PREX2: variants seen among roughly 807,000 people sequenced by gnomAD.
PREX2 encodes phosphatidylinositol 3,4,5-trisphosphate-dependent Rac exchanger 2 protein.
In PREX2, 107 loss-of-function variants were observed where a neutral mutation model predicts 203.2. The observed-to-expected ratio is 0.53, with a 90% CI of 0.45 to 0.62. The LOEUF is 0.62. Among genes scored for constraint, PREX2 ranks in the 20% least tolerant of loss-of-function variants. PREX2 has a pLI of 0.00. For synonymous variants in PREX2, 672 were observed against 663.6 expected (o/e 1.01, Z -0.19); for missense variants, 1,777 against 1,955.9 (o/e 0.91, Z 1.72).
At chr8:68,164,595 T>C (rs1239208114) in intron 35 of PREX2, among the ~76,000 whole-genome samples, 1 of 150,398 alleles carries the variant, frequency 6.6e-6, no homozygotes, top group African/African-American at 2.4e-5. Flanking sequence ...CTTTTTTTTT[T>C]TTTTGAGACA....
At chr8:67,972,555 C>G (rs1376124485) in intron 1 of PREX2, among the ~76,000 whole-genome samples, 1 of 152,214 alleles carries the variant, frequency 6.6e-6, no homozygotes, top group African/African-American at 2.4e-5. Flanking sequence ...CCGTGACTAT[C>G]TTTTAACCAT....
At chr8:68,119,162 T>G (rs1810716610) in intron 27 of PREX2, among the ~76,000 whole-genome samples, 1 of 152,218 alleles carries the variant, frequency 6.6e-6, no homozygotes, top group African/African-American at 2.4e-5. Context: ...ATTATGCAGT[T>G]TATGTCAACT....
intron 7 of PREX2, among the ~76,000 whole-genome samples, chr8:68,039,779 G>C (rs1808140174): frequency 6.6e-6 from 1 of 152,010 alleles, no homozygotes; most frequent in Admixed American, 6.6e-5. Flanking sequence ...AAATCTTCCT[G>C]CATCTGCATT....
At chr8:68,110,639 C>A (rs1298605179) in intron 25 of PREX2, among the ~76,000 whole-genome samples, 1 of 152,176 alleles carries the variant, frequency 6.6e-6, no homozygotes, top group African/African-American at 2.4e-5. Flanking sequence ...TCCTGTACTT[C>A]ATGGATAATT....
Position 68,090,569 on chromosome 8 carries a change from G to A in PREX2, c.2114-10G>A, listed in dbSNP as rs780133352. Reference sequence around the variant, plus strand: ...TTTGTTTTTGGTTATTTTCTCATTTGTATTTATAGGAACTGTGGCTGCAGC... The same window carrying A: ...TTTGTTTTTGGTTATTTTCTCATTTATATTTATAGGAACTGTGGCTGCAGC... On this transcript the variant is annotated splice_polypyrimidine_tract_variant and intron_variant, in intron 19 of 39. Coordinates refer to ENST00000288368, the MANE Select transcript of PREX2 (RefSeq NM_024870.4). The A allele has an allele frequency of 1.9e-6, 3 of 1,595,416 alleles. No individual in the cohort carries two copies. The highest frequency in any genetic ancestry group is 2.3e-5 in the East Asian group (1 of 44,440).
chr8:68,071,338 G>C (rs1334370986), intron 13 of PREX2, among the ~76,000 whole-genome samples: 1 of 152,078 alleles, frequency 6.6e-6, no homozygotes, highest in Non-Finnish European at 1.5e-5. Context: ...AAGTTACTTA[G>C]CATGAAGAGC....
In PREX2 at chr8:67,956,582, C is replaced by T. The variant is rs574453933; in HGVS notation, c.141+4047C>T. On this transcript the variant is annotated intron_variant, in intron 1 of 39. Coordinates refer to ENST00000288368, the MANE Select transcript of PREX2 (RefSeq NM_024870.4). ...AGCCCCCTGCTTTTTGAACAAGAAA[C>T]CTCACATTTTTATTTTGCACTGGGC... Among the ~76,000 whole-genome samples the T allele has an allele frequency of 9.9e-5, 15 of 152,284 alleles. No homozygotes were observed. The East Asian group carries it at 2.9e-3, about 29-fold the overall frequency.
At chr8:67,995,986 C>CT (rs1289707087) in intron 1 of PREX2, among the ~76,000 whole-genome samples, 2 of 152,102 alleles carry the variant, frequency 1.3e-5, no homozygotes, top group Non-Finnish European at 2.9e-5. Flanking sequence ...CTCACCAATA[C>CT]TTGGTATTGT....
chr8:68,168,276 C>T (rs1025464553), intron 35 of PREX2, among the ~76,000 whole-genome samples: 2 of 152,066 alleles, frequency 1.3e-5, no homozygotes, highest in African/African-American at 4.8e-5. Context: ...GTATAACTAG[C>T]AGGGAGAAAT....
chr8:68,117,428 GA>G (rs1419888728), intron 26 of PREX2, among the ~76,000 whole-genome samples: 3 of 152,192 alleles, frequency 2.0e-5, no homozygotes, highest in Admixed American at 2.0e-4. Context: ...AGATCAGACA[GA>G]TTAACCACTT....
rs1326956245 is a variant in PREX2 at position 68,083,266 on chromosome 8, G to T, written c.1905G>T (p.Lys635Asn). 3.1e-6 allele frequency: 5 copies of T among 1,600,860 alleles called. No individual in the cohort carries two copies. Among genetic ancestry groups the T allele is most frequent in the African/African-American group, 1.3e-5 (1 of 74,866 alleles). The change falls in exon 18 of 40, where the codon AAG becomes AAT. Residue 635 changes from lysine to asparagine, a missense_variant. Coordinates refer to ENST00000288368, the MANE Select transcript of PREX2 (RefSeq NM_024870.4). ...TGGCTGGCATGGAAGTCGGGAAAAA[G>T]ATTTTTGCTATTAATGGTGACCTAG... ...AEMAGMEVGK[K>N]IFAINGDLVF...
At chr8:67,985,239 T>C (rs1168510679) in intron 1 of PREX2, among the ~76,000 whole-genome samples, 1 of 152,192 alleles carries the variant, frequency 6.6e-6, no homozygotes, top group East Asian at 1.9e-4. Flanking sequence ...GCTGCCAACC[T>C]AATTAACAGA....
chr8:68,016,692 C>T (rs911745983), intron 1 of PREX2, among the ~76,000 whole-genome samples: 3 of 152,102 alleles, frequency 2.0e-5, no homozygotes, highest in Admixed American at 2.0e-4. Flanking sequence ...CTATGGCTCC[C>T]TGCAGCCTCA....
At chr8:67,988,337 C>A (rs1806496582) in intron 1 of PREX2, among the ~76,000 whole-genome samples, 1 of 152,210 alleles carries the variant, frequency 6.6e-6, no homozygotes, top group African/African-American at 2.4e-5. Context: ...AAACCAATTT[C>A]TCTAACCAAA....
At chr8:68,199,975 G>T (rs1453661975) in intron 37 of PREX2, among the ~76,000 whole-genome samples, 1 of 152,136 alleles carries the variant, frequency 6.6e-6, no homozygotes, top group East Asian at 1.9e-4. Flanking sequence ...TTACTCTGGG[G>T]ATTTCTATAT....
At chr8:68,192,205 A>G in intron 36 of PREX2, 130 bp from the exon 37 acceptor site, 1 of 649,314 alleles carries the variant, frequency 1.5e-6, no homozygotes, top group South Asian at 2.2e-5. Context: ...TATAAATATT[A>G]GTAGTCTCTA....
intron 1 of PREX2, among the ~76,000 whole-genome samples, chr8:67,990,666 T>C (rs546736779): frequency 1.3e-5 from 2 of 151,914 alleles, no homozygotes; most frequent in South Asian, 2.1e-4. Flanking sequence ...CCCGCCACCA[T>C]GCCAGGTGGT....
chr8:68,164,872 G>A (rs1375980199), intron 35 of PREX2, among the ~76,000 whole-genome samples: 1 of 144,172 alleles, frequency 6.9e-6, no homozygotes, highest in African/African-American at 2.6e-5. Context: ...GTGAGCCACT[G>A]AGCCCGGCCA....
intron 23 of PREX2, chr8:68,105,730 CAT>C (rs35658979): frequency 0.47 from 73,592 of 157,452 alleles, 18,309 homozygotes; most frequent in African/African-American, 0.64. Flanking sequence ...TATACACACA[CAT>C]ATATATATAT....
Sources: allele counts gnomAD v4.1 joint callset (sites outside exome capture counted in the v4.1 genomes callset), GRCh38; gene constraint gnomAD v4.1.1; transcripts MANE v1.5; gene names NCBI Gene and HGNC (gene_info 2026-07-23, HGNC 2026-07-21).